Variants in RFX7 observed in about 807,000 individuals in gnomAD.
RFX7 encodes regulatory factor X7, also known as DNA-binding protein RFX7.
In RFX7, 26 loss-of-function variants were observed where a neutral mutation model predicts 111.8. The ratio of observed to expected loss-of-function variants is 0.23; its 90% CI spans 0.17 to 0.32. RFX7 has a LOEUF of 0.32. RFX7 is among the 10% of genes least tolerant of loss of function. The pLI, the probability that RFX7 is intolerant of heterozygous loss-of-function variation, is 1.00. For synonymous variants in RFX7, 624 were observed against 624.4 expected (o/e 1.00, Z 0.01); for missense variants, 1,573 against 1,772.9 (o/e 0.89, Z 2.02).
chr15:56,144,702 T>A (rs1230819929), intron 3 of RFX7, among the ~76,000 whole-genome samples: 2 of 152,088 alleles, frequency 1.3e-5, no homozygotes, highest in Admixed American at 6.6e-5. Flanking sequence ...CCCTATTAGT[T>A]CTTACATCAT....
chr15:56,113,630 A>AT (rs1567012953), intron 5 of RFX7, among the ~76,000 whole-genome samples: 1 of 151,884 alleles, frequency 6.6e-6, no homozygotes, highest in South Asian at 2.1e-4. Context: ...AAACCTGCAC[A>AT]TTCTGCACAT....
intron 2 of RFX7, among the ~76,000 whole-genome samples, chr15:56,228,382 T>C (rs2043509392): frequency 6.6e-6 from 1 of 152,148 alleles, no homozygotes; most frequent in South Asian, 2.1e-4. Flanking sequence ...AATTATGTAA[T>C]TGAACTATGT....
At chr15:56,199,479 C>G (rs1002727596) in intron 2 of RFX7, among the ~76,000 whole-genome samples, 1 of 152,136 alleles carries the variant, frequency 6.6e-6, no homozygotes, top group African/African-American at 2.4e-5. Context: ...AATTGTGCTG[C>G]TCTCTTTAGC....
intron 8 of RFX7, among the ~76,000 whole-genome samples, chr15:56,098,749 C>G (rs193120857): frequency 6.6e-6 from 1 of 152,194 alleles, no homozygotes; most frequent in Admixed American, 6.5e-5. Context: ...TCCCTCCCCC[C>G]ATTTCTAATC....
chr15:56,092,121 CA>C lies in RFX7; in HGVS notation c.*1223del, dbSNP rs1336340396. 1 of 152,486 alleles carries C rather than the reference CA, an allele frequency of 6.6e-6. No individual in the cohort carries two copies. Among genetic ancestry groups the C allele is most frequent in the Non-Finnish European group, 1.5e-5 (1 of 67,942 alleles). The allele number at this position is 152,486 out of a possible 1,614,324, so 9.4% of individuals were successfully genotyped here. ...AGCCATAGAGAGAAACATTTTAAAA[CA>C]AATCCTGAGTTCTTCTTTTGCAATT... On this transcript the variant is annotated 3_prime_UTR_variant, in exon 10 of 10. Coordinates refer to ENST00000559447, the MANE Select transcript of RFX7 (RefSeq NM_022841.7).
intron 2 of RFX7, among the ~76,000 whole-genome samples, chr15:56,231,900 T>C (rs1468641694): frequency 1.3e-5 from 2 of 152,162 alleles, no homozygotes; most frequent in South Asian, 2.1e-4. Flanking sequence ...CCCATGCAAG[T>C]CCCAAATCCA....
rs1432698867 is a variant in RFX7 at position 56,146,117 on chromosome 15, T to A, written c.196-1634A>T. Among the ~76,000 whole-genome samples the A allele has an allele frequency of 2.0e-5, 3 of 152,132 alleles. No homozygotes were observed. The East Asian group carries it at 5.8e-4, about 29-fold the overall frequency. On this transcript the variant is annotated intron_variant, in intron 3 of 9. Transcript: ENST00000559447. ...TTTTTTTTTGTCAAATTGTTTTTTT[T>A]AAGAGAGTCTCACTCTGTTGCCCAG...
chr15:56,166,897 C>A (rs1290772833), intron 3 of RFX7, among the ~76,000 whole-genome samples: 1 of 152,140 alleles, frequency 6.6e-6, no homozygotes, highest in Admixed American at 6.5e-5. Context: ...AGCTACCATG[C>A]CTGGTTACGG....
Position 56,196,686 on chromosome 15 carries a change from A to AAAAAT in RFX7, c.162-17388_162-17384dup, listed in dbSNP as rs766354687. 3.3e-5 allele frequency among the ~76,000 whole-genome samples: 5 copies of AAAAAT among 152,148 alleles called. No individual in the cohort carries two copies. In the East Asian group the frequency reaches 7.7e-4, roughly 23 times the overall value. On this transcript the variant is annotated intron_variant, in intron 2 of 9. Transcript: ENST00000559447. The stretch of plus-strand genomic sequence containing the variant: ...TCGACCTCAAGCCACCAGAACTGGT[A>AAAAAT]AAAATAAAATAAAATAAAATAAATT...
intron 2 of RFX7, among the ~76,000 whole-genome samples, chr15:56,225,588 G>T (rs2043473964): frequency 6.6e-6 from 1 of 152,116 alleles, no homozygotes; most frequent in South Asian, 2.1e-4. Context: ...TTAGAAGTCA[G>T]GAATCCCAAT....
chr15:56,200,206 G>C (rs1489883304), intron 2 of RFX7, among the ~76,000 whole-genome samples: 8 of 152,106 alleles, frequency 5.3e-5, no homozygotes, highest in Non-Finnish European at 5.9e-5. Context: ...TACAGAACAG[G>C]AAACAATCTC....
Position 56,243,586 on chromosome 15 carries a change from C to G in RFX7, c.-144G>C, listed in dbSNP as rs2043746055. Reference sequence around the variant, plus strand: ...CCCCCCGCTGGCGCCGCCGCCTCCTCCCGTCAGCGGCCGGGGCTGTGGGGG... The same window carrying G: ...CCCCCCGCTGGCGCCGCCGCCTCCTGCCGTCAGCGGCCGGGGCTGTGGGGG... On this transcript the variant is annotated 5_prime_UTR_variant, in exon 1 of 10. Transcript: ENST00000559447. 1 of 748,950 alleles carries G rather than the reference C, an allele frequency of 1.3e-6. No homozygotes were observed. The highest frequency in any genetic ancestry group is 1.6e-6 in the Non-Finnish European group (1 of 615,966). The allele number at this position is 748,950 out of a possible 1,614,324, so 46.4% of individuals were successfully genotyped here.
intron 5 of RFX7, among the ~76,000 whole-genome samples, chr15:56,130,972 G>A (rs2042204467): frequency 6.6e-6 from 1 of 152,078 alleles, no homozygotes; most frequent in African/African-American, 2.4e-5. Context: ...TTTTGTAGTT[G>A]AGTTCTTTAA....
chr15:56,125,032 A>G (rs2042124745), intron 5 of RFX7, among the ~76,000 whole-genome samples: 1 of 152,192 alleles, frequency 6.6e-6, no homozygotes. Flanking sequence ...ATTTTTGTAT[A>G]GGGTGAGAGA....
intron 5 of RFX7, among the ~76,000 whole-genome samples, chr15:56,114,900 A>G (rs1567013649): frequency 6.6e-6 from 1 of 152,212 alleles, no homozygotes; most frequent in Non-Finnish European, 1.5e-5. Context: ...TAAATCCTCA[A>G]GATTTTAAAA....
intron 2 of RFX7, among the ~76,000 whole-genome samples, chr15:56,237,514 T>C (rs1596030029): frequency 6.6e-6 from 1 of 152,352 alleles, no homozygotes; most frequent in African/African-American, 2.4e-5. Context: ...GAAAAAGTAA[T>C]GCAACATAAT....
intron 2 of RFX7, among the ~76,000 whole-genome samples, chr15:56,229,913 A>C (rs1430927800): frequency 6.6e-6 from 1 of 151,816 alleles, no homozygotes; most frequent in Non-Finnish European, 1.5e-5. Flanking sequence ...GAAACACTTC[A>C]GGCCCTCACA....
Position 56,103,674 on chromosome 15 carries a change from C to A in RFX7, c.402-4G>T. On this transcript the variant is annotated splice_region_variant and splice_polypyrimidine_tract_variant and intron_variant, in intron 5 of 9. Coordinates refer to ENST00000559447, the MANE Select transcript of RFX7 (RefSeq NM_022841.7). ...ACCAAGATTGTCACAATAGCTCCTG[C>A]AAAAGAAGGAAGGACCAATTTAGAG... 6.4e-7 allele frequency: 1 copy of A among 1,562,664 alleles called. No individual in the cohort carries two copies. Among genetic ancestry groups the A allele is most frequent in the African/African-American group, 1.4e-5 (1 of 74,012 alleles).
At chr15:56,127,457 G>T (rs1259726572) in intron 5 of RFX7, among the ~76,000 whole-genome samples, 8 of 149,920 alleles carry the variant, frequency 5.3e-5, no homozygotes, top group African/African-American at 2.0e-4. Context: ...AGCAGAAGAA[G>T]GCTATAATAA....
Sources: gnomAD v4.1 joint callset for allele counts (sites outside exome capture counted in the v4.1 genomes callset) on GRCh38, gnomAD v4.1.1 for gene constraint, MANE v1.5 for transcripts, NCBI Gene and HGNC (gene_info 2026-07-23, HGNC 2026-07-21) for gene names.